EXD1: variants seen among roughly 807,000 people sequenced by gnomAD.
EXD1 encodes the protein piRNA biogenesis protein EXD1.
A neutral mutation model predicts 49.1 loss-of-function variants in EXD1; 63 were observed. The ratio of observed to expected loss-of-function variants is 1.28; its 90% CI spans 1.05 to 1.58. EXD1 has a LOEUF of 1.58. EXD1 is among the 40% of genes most tolerant of loss of function. The probability of loss-of-function intolerance (pLI) is 0.00; values close to 1 mark genes in which losing one functional copy is unlikely to be tolerated. For synonymous variants in EXD1, 234 were observed against 239.2 expected (o/e 0.98, Z 0.20); for missense variants, 748 against 666.0 (o/e 1.12, Z -1.36).
chr15:41,196,831 C>T (rs2140838422), intron 7 of EXD1, among the ~76,000 whole-genome samples: 1 of 151,714 alleles, frequency 6.6e-6, no homozygotes, highest in Admixed American at 6.6e-5. Context: ...CCTCCCAAAA[C>T]TTTATTTTTT....
At chr15:41,197,428 G>A (rs927071496) in intron 7 of EXD1, among the ~76,000 whole-genome samples, 1 of 150,870 alleles carries the variant, frequency 6.6e-6, no homozygotes, top group Non-Finnish European at 1.5e-5. Flanking sequence ...GTAGACATGA[G>A]GTTTCACTAT....
chr15:41,197,107 G>C (rs952789955), intron 7 of EXD1, among the ~76,000 whole-genome samples: 1 of 152,064 alleles, frequency 6.6e-6, no homozygotes, highest in Non-Finnish European at 1.5e-5. Flanking sequence ...TTACAGGCGT[G>C]AGCCACCAGG....
At chr15:41,188,087 T>C (rs2046444380) in intron 11 of EXD1, among the ~76,000 whole-genome samples, 1 of 151,094 alleles carries the variant, frequency 6.6e-6, no homozygotes, top group Non-Finnish European at 1.5e-5. Context: ...AAGTGGTTTA[T>C]AACAGCAACT....
rs1418938330 is a variant in EXD1, at chr15:41,230,712, ACGCCGCAGAGG to A, written c.-298_-288del. ...GAAAGGTCCGCGACGCCGGGGACAC[ACGCCGCAGAGG>A]CGACGCCCGCCCGGCCCAACGTCCA... On this transcript the variant is annotated 5_prime_UTR_variant, in exon 1 of 12. Coordinates refer to ENST00000458580, the MANE Select transcript of EXD1 (RefSeq NM_001286441.2). 1.2e-5 allele frequency: 8 copies of A among 691,146 alleles called. No homozygotes were observed. In the African/African-American group the frequency reaches 1.5e-4, roughly 13 times the overall value. 42.8% of individuals were successfully genotyped at this position (691,146 alleles called of 1,614,324 possible).
At chr15:41,221,520 C>T (rs1336951251) in intron 2 of EXD1, among the ~76,000 whole-genome samples, 3 of 151,920 alleles carry the variant, frequency 2.0e-5, no homozygotes, top group Admixed American at 6.6e-5. Flanking sequence ...GCCATCCTTC[C>T]ACCTCAGCCT....
At chr15:41,209,086 T>G (rs546948615) in intron 7 of EXD1, among the ~76,000 whole-genome samples, 1 of 152,174 alleles carries the variant, frequency 6.6e-6, no homozygotes, top group East Asian at 1.9e-4. Context: ...TCCAACAAGT[T>G]ATGCAACAAT....
chr15:41,198,518 C>T (rs1386537958), intron 7 of EXD1, among the ~76,000 whole-genome samples: 1 of 151,774 alleles, frequency 6.6e-6, no homozygotes, highest in Admixed American at 6.6e-5. Context: ...TATGGACACC[C>T]CATCTGTACA....
rs1162220518 is a variant in EXD1 at position 41,226,524 on chromosome 15, C to T, written c.52G>A (p.Val18Met). Residue 18 changes from valine (V) to methionine (M), a missense_variant, in exon 2 of 12, where the codon GTG (valine) becomes ATG (methionine). Physicochemically the swap from Val to Met is conservative, Grantham distance 21. Coordinates refer to ENST00000458580, the MANE Select transcript of EXD1 (RefSeq NM_001286441.2). Reference protein sequence around the residue: ...HFLSQILWKRVKLTLVCGVFE... With the variant: ...HFLSQILWKRMKLTLVCGVFE... ...ACACCACAGACCAATGTGAGTTTCACCCTCTTCCACAAAATCTGGCTGAGG... is the reference window on the plus strand; with the variant it reads ...ACACCACAGACCAATGTGAGTTTCATCCTCTTCCACAAAATCTGGCTGAGG... The T allele has an allele frequency of 1.2e-5, 19 of 1,536,050 alleles. No individual in the cohort carries two copies. The highest frequency in any genetic ancestry group is 1.7e-5 in the Non-Finnish European group (19 of 1,146,876).
Position 41,200,945 on chromosome 15 carries a change from C to A in EXD1, c.535-4908G>T, listed in dbSNP as rs567631527. On this transcript the variant is annotated intron_variant, in intron 7 of 11. Coordinates refer to ENST00000458580, the MANE Select transcript of EXD1 (RefSeq NM_001286441.2). ...CTGAAGTGCAGTGGTGTGATCTCGG[C>A]TCACTGCAACCTCCACCTCCCAGGT... Among the ~76,000 whole-genome samples, 7 of 149,238 alleles carry A rather than the reference C, an allele frequency of 4.7e-5. No homozygotes were observed. In the East Asian group the frequency reaches 1.4e-3, roughly 30 times the overall value.
At chr15:41,203,012 T>C (rs540413009) in intron 7 of EXD1, among the ~76,000 whole-genome samples, 1 of 151,998 alleles carries the variant, frequency 6.6e-6, no homozygotes, top group South Asian at 2.1e-4. Flanking sequence ...TGGAAAATAA[T>C]TATCTGCTGT....
intron 7 of EXD1, among the ~76,000 whole-genome samples, chr15:41,197,280 G>C (rs1371020914): frequency 6.7e-6 from 1 of 150,194 alleles, no homozygotes; most frequent in South Asian, 2.1e-4. Context: ...CAGGCTGGAG[G>C]GCAGTGGCAC....
At chr15:41,218,982 T>C (rs908480044) in intron 3 of EXD1, among the ~76,000 whole-genome samples, 2 of 152,066 alleles carry the variant, frequency 1.3e-5, no homozygotes, top group Non-Finnish European at 1.5e-5. Context: ...TGCCCCAGAG[T>C]GAGAGATGCA....
In EXD1 at chr15:41,208,369, GA is replaced by G. The variant is rs10586810; in HGVS notation, c.534+1131del. 9.9e-3 allele frequency among the ~76,000 whole-genome samples: 620 copies of G among 62,680 alleles called. 1 individual carries two copies. Among genetic ancestry groups the G allele is most frequent in the African/African-American group, 0.011 (214 of 19,134 alleles). 41.1% of individuals were successfully genotyped at this position (62,680 alleles called of 152,430 possible). Reference sequence around the variant, plus strand: ...GACAATATAGGGAGAACTCATCTCTGAAAAAAAAAAAAAAAAAAAAAAAAGT... The same window carrying G: ...GACAATATAGGGAGAACTCATCTCTGAAAAAAAAAAAAAAAAAAAAAAAGT... On this transcript the variant is annotated intron_variant, in intron 7 of 11. Transcript: ENST00000458580.
chr15:41,193,011 C>A (rs116420733), intron 9 of EXD1, among the ~76,000 whole-genome samples: 4,974 of 151,870 alleles, frequency 0.033, 302 homozygotes, highest in African/African-American at 0.11. Context: ...CTCTCGATCT[C>A]CTGACCTTGT....
At chr15:41,209,706 T>A in intron 6 of EXD1, 119 bp from the exon 7 acceptor site, 1 of 823,002 alleles carries the variant, frequency 1.2e-6, no homozygotes, top group Non-Finnish European at 2.0e-6. Context: ...TTTGTTAAAC[T>A]TACAAAATTT....
chr15:41,204,020 A>C (rs1308452309), intron 7 of EXD1, among the ~76,000 whole-genome samples: 3 of 140,402 alleles, frequency 2.1e-5, no homozygotes, highest in Non-Finnish European at 4.6e-5. Flanking sequence ...CCAAGGAAGG[A>C]GGATCACTTG....
chr15:41,199,759 C>CTCAT (rs1566980785), intron 7 of EXD1, among the ~76,000 whole-genome samples: 2 of 12,616 alleles, frequency 1.6e-4, no homozygotes, highest in African/African-American at 5.4e-4. Flanking sequence ...ATATATGATA[C>CTCAT]ATATATGATA....
At chr15:41,192,478 G>C (rs867361502) in intron 9 of EXD1, among the ~76,000 whole-genome samples, 17 of 151,620 alleles carry the variant, frequency 1.1e-4, no homozygotes, top group Middle Eastern at 3.4e-3. Flanking sequence ...CATATTGTTA[G>C]TGCAGACAGG....
intron 7 of EXD1, among the ~76,000 whole-genome samples, chr15:41,198,896 T>G (rs1473315506): frequency 1.3e-5 from 2 of 151,238 alleles, no homozygotes; most frequent in African/African-American, 4.9e-5. Flanking sequence ...TAGTAGGGAC[T>G]AGGTTTGGTG....
Sources: gnomAD v4.1 joint callset for allele counts (sites outside exome capture counted in the v4.1 genomes callset) on GRCh38, gnomAD v4.1.1 for gene constraint, MANE v1.5 for transcripts, NCBI Gene and HGNC (gene_info 2026-07-23, HGNC 2026-07-21) for gene names.